RHBDL2: variants seen among roughly 807,000 people sequenced by gnomAD.
The protein encoded by RHBDL2 is rhomboid like 2, also known as rhomboid-related protein 2.
RHBDL2 carries 26 observed loss-of-function variants against 31.7 expected under a neutral mutation model. The ratio of observed to expected loss-of-function variants is 0.82; its 90% CI spans 0.60 to 1.14. RHBDL2 has a LOEUF of 1.14. Among genes scored for constraint, RHBDL2 ranks in the 50% most tolerant of loss-of-function variants. The pLI is 0.00. For missense variants in RHBDL2, 336 were observed against 364.4 expected, an observed-to-expected ratio of 0.92 and a Z score of 0.63; for synonymous variants, 123 against 127.2, an observed-to-expected ratio of 0.97 and a Z score of 0.22.
chr1:38,919,363 A>C, intron 1 of RHBDL2, 26 bp from the exon 2 acceptor site: 1 of 1,540,852 alleles, frequency 6.5e-7, no homozygotes, highest in Non-Finnish European at 8.7e-7. Flanking sequence ...AGACAGCTGA[A>C]GATGATCAAA....
intron 1 of RHBDL2, among the ~76,000 whole-genome samples, chr1:38,938,070 T>G (rs1299144715): frequency 2.0e-5 from 3 of 151,854 alleles, no homozygotes; most frequent in Non-Finnish European, 4.4e-5. Context: ...CAGGCTGGAG[T>G]GCAGCGGCAC....
chr1:38,886,780 G>T, intron 7 of RHBDL2, 97 bp from the exon 8 acceptor site: 1 of 1,014,214 alleles, frequency 9.9e-7, no homozygotes, highest in Non-Finnish European at 1.4e-6. Flanking sequence ...TACCGTCACA[G>T]TTAAACAAGA....
intron 4 of RHBDL2, among the ~76,000 whole-genome samples, chr1:38,900,286 G>A (rs1296581517): frequency 6.6e-6 from 1 of 152,076 alleles, no homozygotes; most frequent in Non-Finnish European, 1.5e-5. Flanking sequence ...CGGGTATGGT[G>A]GTGTGCACCT....
intron 2 of RHBDL2, among the ~76,000 whole-genome samples, chr1:38,917,943 GT>G (rs1344149275): frequency 6.6e-6 from 1 of 152,140 alleles, no homozygotes; most frequent in Non-Finnish European, 1.5e-5. Context: ...CCACCATACT[GT>G]GGGTGAGCCT....
chr1:38,940,933 G>T (rs1043552058), intron 1 of RHBDL2, among the ~76,000 whole-genome samples: 8 of 152,268 alleles, frequency 5.3e-5, no homozygotes, highest in Admixed American at 2.6e-4. Flanking sequence ...TGAGGCTCAG[G>T]AGGTAAACAG....
intron 4 of RHBDL2, among the ~76,000 whole-genome samples, chr1:38,907,666 G>C (rs535179344): frequency 1.8e-4 from 27 of 152,290 alleles, no homozygotes; most frequent in African/African-American, 6.3e-4. Context: ...ACAGGAGTTC[G>C]AGGCTGCAGG....
At chr1:38,940,936 G>A (rs1643553336) in intron 1 of RHBDL2, among the ~76,000 whole-genome samples, 1 of 152,104 alleles carries the variant, frequency 6.6e-6, no homozygotes, top group East Asian at 1.9e-4. Flanking sequence ...GGCTCAGGAG[G>A]TAAACAGGAG....
chr1:38,917,102 C>G (rs1237845594), intron 2 of RHBDL2, among the ~76,000 whole-genome samples: 1 of 140,644 alleles, frequency 7.1e-6, no homozygotes, highest in Non-Finnish European at 1.5e-5. Flanking sequence ...ACTGCAAGTT[C>G]TGCCTCCTGG....
At chr1:38,931,176 C>T (rs1408678114) in intron 1 of RHBDL2, among the ~76,000 whole-genome samples, 1 of 152,198 alleles carries the variant, frequency 6.6e-6, no homozygotes, top group African/African-American at 2.4e-5. Context: ...AGACTGAAAA[C>T]TTCTGCCCTA....
At chr1:38,935,017 T>C (rs1643481470) in intron 1 of RHBDL2, among the ~76,000 whole-genome samples, 1 of 152,084 alleles carries the variant, frequency 6.6e-6, no homozygotes, top group Non-Finnish European at 1.5e-5. Flanking sequence ...TTTAAGTTAA[T>C]AACTACAATT....
chr1:38,891,847 G>C (rs1376917554), intron 6 of RHBDL2, among the ~76,000 whole-genome samples: 1 of 152,076 alleles, frequency 6.6e-6, no homozygotes, highest in Admixed American at 6.5e-5. Context: ...AACATCTTAG[G>C]CTTTATCAGG....
At chr1:38,899,536 C>T (rs545124152) in intron 4 of RHBDL2, among the ~76,000 whole-genome samples, 4 of 152,326 alleles carry the variant, frequency 2.6e-5, no homozygotes, top group Admixed American at 1.3e-4. Context: ...CCCTGAACTC[C>T]TAACTGGGGT....
intron 1 of RHBDL2, among the ~76,000 whole-genome samples, chr1:38,931,241 G>T (rs1275613945): frequency 3.3e-5 from 5 of 152,158 alleles, no homozygotes; most frequent in African/African-American, 1.2e-4. Context: ...TCTGCAGGCG[G>T]CCAGGCACTA....
chr1:38,940,008 A>G (rs1451878357), intron 1 of RHBDL2, among the ~76,000 whole-genome samples: 2 of 152,184 alleles, frequency 1.3e-5, no homozygotes, highest in Non-Finnish European at 2.9e-5. Context: ...CTTGAAAGAC[A>G]GCAAGCACCA....
At chr1:38,929,560 C>T in intron 1 of RHBDL2, 1 of 1,288,786 alleles carries the variant, frequency 7.8e-7, no homozygotes, top group Non-Finnish European at 1.0e-6. Flanking sequence ...AACAGCTGGC[C>T]CCACCCATTC....
intron 1 of RHBDL2, among the ~76,000 whole-genome samples, chr1:38,933,973 C>T (rs1643465224): frequency 6.6e-6 from 1 of 152,080 alleles, no homozygotes; most frequent in South Asian, 2.1e-4. Flanking sequence ...AATGATCCAC[C>T]CCCTTTGGCC....
intron 3 of RHBDL2, among the ~76,000 whole-genome samples, chr1:38,911,636 GT>G (rs1557615074): frequency 1.1e-3 from 79 of 70,098 alleles, no homozygotes; most frequent in Non-Finnish European, 2.5e-3. Flanking sequence ...GTGTGTGTGT[GT>G]GTGTGTGTGC....
chr1:38,912,468 G>A (rs1395193616), intron 3 of RHBDL2, among the ~76,000 whole-genome samples: 1 of 151,034 alleles, frequency 6.6e-6, no homozygotes, highest in East Asian at 1.9e-4. Flanking sequence ...GCAGTGTCTC[G>A]ATTTCGACTC....
At position 38,931,790 on chromosome 1, in the gene RHBDL2, A is replaced by G. The variant is rs573640939; in HGVS notation, c.-126+9892T>C. On this transcript the variant is annotated intron_variant, in intron 1 of 7. Transcript: ENST00000372990. ...GAATAAAGACCTATAAATTGTTCCA[A>G]CATAGTATACTGTGGTTTAGATTTA... Among the ~76,000 whole-genome samples, 9 of 152,302 alleles carry G rather than the reference A, an allele frequency of 5.9e-5. No individual in the cohort carries two copies. In the South Asian group the frequency reaches 1.9e-3, roughly 32 times the overall value.
Sources: allele counts gnomAD v4.1 joint callset (sites outside exome capture counted in the v4.1 genomes callset), GRCh38; gene constraint gnomAD v4.1.1; transcripts MANE v1.5; gene names NCBI Gene and HGNC (gene_info 2026-07-23, HGNC 2026-07-21).